MRTFA: variants seen among roughly 807,000 people sequenced by gnomAD.
MRTFA encodes myocardin-related transcription factor A.
In MRTFA, 20 loss-of-function variants were observed where a neutral mutation model predicts 83.5. The ratio of observed to expected loss-of-function variants is 0.24; its 90% CI spans 0.17 to 0.35. MRTFA has a LOEUF of 0.35. Among genes scored for constraint, MRTFA ranks in the 10% least tolerant of loss-of-function variants. MRTFA has a pLI of 1.00. For missense variants in MRTFA, 1,200 were observed against 1,224.7 expected, an observed-to-expected ratio of 0.98 and a Z score of 0.30; for synonymous variants, 659 against 541.2, an observed-to-expected ratio of 1.22 and a Z score of -3.02.
Position 40,630,734 on chromosome 22 carries a change from C to T in MRTFA, c.-84+5744G>A, listed in dbSNP as rs6001985. On this transcript the variant is annotated intron_variant, in intron 1 of 14. Transcript: ENST00000355630. ...TATTTATTTACTTGAGACAGTGTCT[C>T]ATCTGTTAACCAGGCTGGAGCACAG... 7.5e-3 allele frequency among the ~76,000 whole-genome samples: 1,145 copies of T among 152,254 alleles called. 26 individuals carry two copies. In the Middle Eastern group the frequency reaches 0.085, roughly 11 times the overall value.
intron 3 of MRTFA, among the ~76,000 whole-genome samples, chr22:40,499,914 CTTTTTT>C (rs72041822): frequency 1.2e-5 from 1 of 84,956 alleles, no homozygotes; most frequent in Non-Finnish European, 2.1e-5. Flanking sequence ...TCAAGTAGAC[CTTTTTT>C]TTTTTTTTTT....
chr22:40,510,144 G>A (rs1406634241), intron 3 of MRTFA, among the ~76,000 whole-genome samples: 1 of 152,094 alleles, frequency 6.6e-6, no homozygotes, highest in African/African-American at 2.4e-5. Context: ...GATAGTCTCT[G>A]GAGTACCAAT....
rs771082761 is a variant in MRTFA, at chr22:40,424,245, G to A, written c.738C>T (p.Ser246=). The change falls in exon 8 of 15, where the codon AGC becomes AGT. Residue 246 remains serine (S), a synonymous_variant. Coordinates refer to ENST00000355630, the MANE Select transcript of MRTFA (RefSeq NM_020831.6). ...CAGAGGTGGCACTGAGCAGTGGTTC[G>A]CTGACTCGGGCCTCCAGGGGTGACG... 1.9e-6 allele frequency: 3 copies of A among 1,606,252 alleles called. No individual in the cohort carries two copies. The highest frequency in any genetic ancestry group is 1.7e-5 in the Admixed American group (1 of 57,538).
chr22:40,598,608 A>G (rs2056219396), intron 1 of MRTFA, among the ~76,000 whole-genome samples: 1 of 152,166 alleles, frequency 6.6e-6, no homozygotes, highest in African/African-American at 2.4e-5. Flanking sequence ...ATTACAACAG[A>G]AAAGTTTAAA....
chr22:40,582,609 C>T (rs188314493), intron 2 of MRTFA, among the ~76,000 whole-genome samples: 1 of 151,818 alleles, frequency 6.6e-6, no homozygotes, highest in African/African-American at 2.4e-5. Flanking sequence ...AAAAAACTTC[C>T]CAAGGTTACT....
At chr22:40,496,083 TTAATAA>T (rs3044529) in intron 3 of MRTFA, among the ~76,000 whole-genome samples, 2 of 150,202 alleles carry the variant, frequency 1.3e-5, no homozygotes, top group Non-Finnish European at 3.0e-5. Flanking sequence ...AAAAAATAAA[TTAATAA>T]TAATAATAAT....
intron 3 of MRTFA, among the ~76,000 whole-genome samples, chr22:40,547,563 G>A (rs1408801338): frequency 6.6e-6 from 1 of 152,078 alleles, no homozygotes; most frequent in Non-Finnish European, 1.5e-5. Context: ...GAAATGATGT[G>A]AGAGAGAGGC....
In MRTFA at chr22:40,448,287, G is replaced by A. The variant is rs574294781; in HGVS notation, c.308-12733C>T. Among the ~76,000 whole-genome samples, 203 of 152,198 alleles carry A rather than the reference G, an allele frequency of 1.3e-3. 1 individual carries two copies. In the Middle Eastern group the frequency reaches 0.02, roughly 15 times the overall value. On this transcript the variant is annotated intron_variant, in intron 4 of 14. Transcript: ENST00000355630. ...ATCACACCACTGCACTCCAGCCTGG[G>A]CAACAGAGCGAGACTCTGTCTCAAA...
At chr22:40,425,047 A>T (rs918381165) in intron 7 of MRTFA, among the ~76,000 whole-genome samples, 3 of 152,200 alleles carry the variant, frequency 2.0e-5, no homozygotes. Flanking sequence ...ACAGAGACCC[A>T]ACACCTGGGC....
intron 1 of MRTFA, among the ~76,000 whole-genome samples, chr22:40,603,774 CT>C (rs57320222): frequency 0.11 from 15,375 of 141,944 alleles, 890 homozygotes; most frequent in East Asian, 0.26. Context: ...TTTTTTTTTA[CT>C]TTTTTTTTTT....
intron 4 of MRTFA, among the ~76,000 whole-genome samples, chr22:40,441,669 C>T (rs1457073836): frequency 6.6e-6 from 1 of 152,006 alleles, no homozygotes. Context: ...CGCCTATAAT[C>T]CCAGCTACTC....
intron 1 of MRTFA, among the ~76,000 whole-genome samples, chr22:40,627,824 T>C (rs2056598707): frequency 6.6e-6 from 1 of 152,114 alleles, no homozygotes; most frequent in Non-Finnish European, 1.5e-5. Context: ...ACAAAAAAAT[T>C]TAGCCGGGCA....
At chr22:40,503,988 A>G (rs2054539678) in intron 3 of MRTFA, among the ~76,000 whole-genome samples, 1 of 152,226 alleles carries the variant, frequency 6.6e-6, no homozygotes, top group South Asian at 2.1e-4. Flanking sequence ...TCATAGATTA[A>G]TTCAAAAGAT....
intron 3 of MRTFA, among the ~76,000 whole-genome samples, chr22:40,502,162 C>T (rs1306406692): frequency 8.6e-6 from 1 of 115,892 alleles, no homozygotes; most frequent in Admixed American, 8.0e-5. Flanking sequence ...GGGGGGCTGA[C>T]CCCCCCCACC....
At chr22:40,634,636 T>C (rs2056675464) in intron 1 of MRTFA, among the ~76,000 whole-genome samples, 1 of 152,198 alleles carries the variant, frequency 6.6e-6, no homozygotes, top group South Asian at 2.1e-4. Context: ...ATCTCACTTA[T>C]CTTGACAGCC....
chr22:40,624,711 T>G (rs971711261), intron 1 of MRTFA, among the ~76,000 whole-genome samples: 1 of 152,148 alleles, frequency 6.6e-6, no homozygotes, highest in African/African-American at 2.4e-5. Context: ...ACTCTCCAAA[T>G]AGAATAAAAG....
chr22:40,571,556 AT>A (rs2055793130), intron 2 of MRTFA, among the ~76,000 whole-genome samples: 1 of 152,180 alleles, frequency 6.6e-6, no homozygotes, highest in Non-Finnish European at 1.5e-5. Context: ...TATCCAGAAT[AT>A]ATAAAGAACT....
intron 4 of MRTFA, among the ~76,000 whole-genome samples, chr22:40,439,802 G>A (rs939513621): frequency 6.6e-6 from 1 of 152,150 alleles, no homozygotes; most frequent in African/African-American, 2.4e-5. Flanking sequence ...AGACAAGTTG[G>A]AGAAGCTGAG....
chr22:40,617,176 A>AG (rs2056460214), intron 1 of MRTFA, among the ~76,000 whole-genome samples: 13 of 85,044 alleles, frequency 1.5e-4, no homozygotes, highest in Middle Eastern at 9.8e-3. Context: ...GAAGGAGGGA[A>AG]GGAGGGAAGG....
Sources: gnomAD v4.1 joint callset for allele counts (sites outside exome capture counted in the v4.1 genomes callset) on GRCh38, gnomAD v4.1.1 for gene constraint, MANE v1.5 for transcripts, NCBI Gene and HGNC (gene_info 2026-07-23, HGNC 2026-07-21) for gene names.